The following ATP8A2 variants were observed in gnomAD, a reference collection of about 807,000 sequenced individuals.
ATP8A2 encodes the protein phospholipid-transporting ATPase IB.
ATP8A2 carries 100 observed loss-of-function variants against 165.6 expected under a neutral mutation model. That is an observed-to-expected ratio of 0.60 (90% CI 0.51 to 0.71). The LOEUF is 0.71. Among genes scored for constraint, ATP8A2 ranks in the 30% least tolerant of loss-of-function variants. The probability of loss-of-function intolerance (pLI) is 0.00; values close to 1 mark genes in which losing one functional copy is unlikely to be tolerated. For missense variants in ATP8A2, 1,227 were observed against 1,479.5 expected, an observed-to-expected ratio of 0.83 and a Z score of 2.80; for synonymous variants, 543 against 548.8, an observed-to-expected ratio of 0.99 and a Z score of 0.15.
intron 35 of ATP8A2, among the ~76,000 whole-genome samples, chr13:25,983,432 T>C (rs917252094): frequency 4.6e-5 from 7 of 152,270 alleles, no homozygotes; most frequent in Admixed American, 2.6e-4. Context: ...CCATTAACCA[T>C]TGACATTCTA....
intron 24 of ATP8A2, chr13:25,591,129 TACTA>T: frequency 4.3e-6 from 1 of 230,980 alleles, no homozygotes; most frequent in South Asian, 3.6e-5. Context: ...TCATTGGAAA[TACTA>T]TGTGTGTGTG....
intron 26 of ATP8A2, among the ~76,000 whole-genome samples, chr13:25,774,090 G>A (rs900156016): frequency 1.3e-5 from 2 of 152,098 alleles, no homozygotes; most frequent in Non-Finnish European, 2.9e-5. Context: ...CAGTTTAGTA[G>A]CTCACCTTTG....
At chr13:26,013,400 C>T (rs1956890768) in intron 36 of ATP8A2, among the ~76,000 whole-genome samples, 3 of 152,168 alleles carry the variant, frequency 2.0e-5, no homozygotes, top group Non-Finnish European at 2.9e-5. Context: ...TTGGGCCGGA[C>T]GCGGTGGCTC....
At chr13:25,927,228 A>G (rs185554481) in intron 33 of ATP8A2, 145 of 456,654 alleles carry the variant, frequency 3.2e-4, no homozygotes, top group African/African-American at 2.8e-3. Flanking sequence ...TGCTCCACAC[A>G]CTGGAAACTG....
intron 16 of ATP8A2, among the ~76,000 whole-genome samples, chr13:25,565,694 C>T (rs1028127563): frequency 2.6e-5 from 4 of 152,266 alleles, no homozygotes; most frequent in East Asian, 3.9e-4. Context: ...GTTTACTCTG[C>T]TGACTGTTCC....
Position 25,769,130 on chromosome 13 carries a change from CAA to C in ATP8A2, c.2470_2471del (p.Asn824ArgfsTer18). 1 of 1,614,154 alleles carries C rather than the reference CAA, an allele frequency of 6.2e-7. No homozygotes were observed. Among genetic ancestry groups the C allele is most frequent in the Non-Finnish European group, 8.5e-7 (1 of 1,180,022 alleles). ...AITLAIGDGA[N>X]DVGMIQTAHV... is the part of the protein sequence containing the mutation. Reference sequence around the variant, plus strand: ...TCACCCTCGCCATCGGAGACGGCGCCAACGATGTCGGGATGATCCAGACAGCC... The same window carrying C: ...TCACCCTCGCCATCGGAGACGGCGCCCGATGTCGGGATGATCCAGACAGCC... On this transcript the variant is annotated frameshift_variant, in exon 26 of 37. Transcript: ENST00000381655. LOFTEE classifies it high-confidence loss of function.
intron 2 of ATP8A2, among the ~76,000 whole-genome samples, chr13:25,471,670 A>G (rs779501363): frequency 1.3e-5 from 2 of 152,172 alleles, no homozygotes; most frequent in Non-Finnish European, 2.9e-5. Flanking sequence ...AAGAGCACTG[A>G]TAATGGAGCT....
At chr13:25,614,924 C>T (rs2040782763) in intron 24 of ATP8A2, among the ~76,000 whole-genome samples, 2 of 152,194 alleles carry the variant, frequency 1.3e-5, no homozygotes, top group Non-Finnish European at 2.9e-5. Flanking sequence ...GTGAAGTGGA[C>T]TCTGTGAGGG....
At position 25,515,120 on chromosome 13, in the gene ATP8A2, C is replaced by T. The variant is rs73170548; in HGVS notation, c.222-14879C>T. 2.3e-3 allele frequency among the ~76,000 whole-genome samples: 343 copies of T among 152,310 alleles called. 2 individuals carry two copies. Among genetic ancestry groups the T allele is most frequent in the Non-Finnish European group, 3.8e-3 (259 of 68,034 alleles). On this transcript the variant is annotated intron_variant, in intron 2 of 36. Transcript: ENST00000381655. Reference sequence around the variant, plus strand: ...GCCAAGTAAGAGGGAGCTCCTCCTGCCCGACAATCTTCAAACTGGCACATT... The same window carrying T: ...GCCAAGTAAGAGGGAGCTCCTCCTGTCCGACAATCTTCAAACTGGCACATT...
chr13:25,812,700 A>G (rs1176462448), intron 27 of ATP8A2, among the ~76,000 whole-genome samples: 6 of 151,948 alleles, frequency 3.9e-5, no homozygotes, highest in Non-Finnish European at 8.8e-5. Flanking sequence ...AAACTACATT[A>G]AATTATGGTA....
chr13:25,605,721 C>G (rs887528055), intron 24 of ATP8A2, among the ~76,000 whole-genome samples: 14 of 152,118 alleles, frequency 9.2e-5, no homozygotes, highest in Admixed American at 9.2e-4. Flanking sequence ...GTAGCTGCAG[C>G]TCGGTTTTAG....
At chr13:25,467,576 C>T (rs1593350366) in intron 1 of ATP8A2, among the ~76,000 whole-genome samples, 1 of 144,990 alleles carries the variant, frequency 6.9e-6, no homozygotes, top group Non-Finnish European at 1.5e-5. Context: ...TTTTTTGAGA[C>T]GAGTCTCCTT....
intron 35 of ATP8A2, among the ~76,000 whole-genome samples, chr13:25,987,304 T>G (rs1956295616): frequency 6.6e-6 from 1 of 152,186 alleles, no homozygotes; most frequent in Non-Finnish European, 1.5e-5. Flanking sequence ...GGAGCCCAGG[T>G]GAGGCTTTTC....
intron 2 of ATP8A2, among the ~76,000 whole-genome samples, chr13:25,512,277 C>T (rs996367987): frequency 6.6e-6 from 1 of 152,242 alleles, no homozygotes; most frequent in Non-Finnish European, 1.5e-5. Context: ...CCCATGTCTA[C>T]CTCTTTCTAC....
intron 22 of ATP8A2, among the ~76,000 whole-genome samples, chr13:25,581,579 A>G (rs1203817396): frequency 1.3e-5 from 2 of 152,138 alleles, no homozygotes; most frequent in Non-Finnish European, 2.9e-5. Flanking sequence ...TATTCTAACA[A>G]GCCCCTGTAT....
chr13:25,574,747 C>T (rs2039567768), intron 18 of ATP8A2, 61 bp from the exon 19 acceptor site: 2 of 936,790 alleles, frequency 2.1e-6, no homozygotes, highest in Non-Finnish European at 3.5e-6. Flanking sequence ...GCTTGGGAGA[C>T]AATTGCTTTG....
chr13:25,495,192 C>T (rs750055094), intron 2 of ATP8A2, among the ~76,000 whole-genome samples: 2 of 152,322 alleles, frequency 1.3e-5, no homozygotes, highest in East Asian at 1.9e-4. Context: ...GGCTGGGCTT[C>T]TTCCAACCCA....
chr13:25,578,647 A>G (rs1012600924), intron 20 of ATP8A2, among the ~76,000 whole-genome samples, 168 bp from the exon 21 acceptor site: 1 of 152,142 alleles, frequency 6.6e-6, no homozygotes, highest in Admixed American at 6.5e-5. Flanking sequence ...TTCATACCCA[A>G]TTTGTTTTCC....
In ATP8A2 at chr13:25,466,628, T is replaced by C. The variant is rs184778311; in HGVS notation, c.77-2349T>C. Among the ~76,000 whole-genome samples the C allele has an allele frequency of 2.3e-3, 346 of 152,346 alleles. 2 individuals are homozygous for C. Among genetic ancestry groups the C allele is most frequent in the Non-Finnish European group, 3.1e-3 (211 of 68,034 alleles). ...ACAAGTGATCCTGACTGGGTGCTCATCAGCATCACTTAGTGATCTTTAGAA... is the reference window on the plus strand; with the variant it reads ...ACAAGTGATCCTGACTGGGTGCTCACCAGCATCACTTAGTGATCTTTAGAA... On this transcript the variant is annotated intron_variant, in intron 1 of 36. Transcript: ENST00000381655.
Sources: allele counts gnomAD v4.1 joint callset (sites outside exome capture counted in the v4.1 genomes callset), GRCh38; gene constraint gnomAD v4.1.1; transcripts MANE v1.5; gene names NCBI Gene and HGNC (gene_info 2026-07-23, HGNC 2026-07-21).